The following LY6S variants were observed in gnomAD, a reference collection of about 807,000 sequenced individuals.
LY6S encodes lymphocyte antigen 6 family member S.
At chr8:143,045,786 G>A in the LY6S span, among the ~76,000 whole-genome samples, 1 of 152,172 alleles carries the variant, frequency 6.6e-6, no homozygotes, top group Admixed American at 6.5e-5. The surrounding 1 kb of genome is among the most constrained non-coding windows in gnomAD (Gnocchi z 5.3). Context: ...CAGAACAAGG[G>A]TGGGTTCCTG....
At chr8:143,043,119 C>G in the LY6S span, 1 of 1,367,374 alleles carries the variant, frequency 7.3e-7, no homozygotes, top group Non-Finnish European at 9.8e-7. Context: ...CGGGAAAGGC[C>G]CTCACAGCAG....
the LY6S span, among the ~76,000 whole-genome samples, chr8:143,068,948 G>T: frequency 6.6e-6 from 1 of 152,132 alleles, no homozygotes; most frequent in Non-Finnish European, 1.5e-5. Context: ...CGCCCCAGGG[G>T]GACCCCAAGG....
the LY6S span, among the ~76,000 whole-genome samples, chr8:143,075,112 A>G: frequency 6.6e-6 from 1 of 151,842 alleles, no homozygotes; most frequent in Non-Finnish European, 1.5e-5. The surrounding 1 kb of genome is among the most constrained non-coding windows in gnomAD (Gnocchi z 4.1). Context: ...CATTTTTTTC[A>G]TTTACATTAT....
chr8:143,061,405 T>C, the LY6S span, among the ~76,000 whole-genome samples: 2 of 152,210 alleles, frequency 1.3e-5, no homozygotes, highest in Non-Finnish European at 2.9e-5. Flanking sequence ...AATCCTACAT[T>C]TGTACATATC....
chr8:143,070,487 AT>A, the LY6S span, among the ~76,000 whole-genome samples: 8 of 84,114 alleles, frequency 9.5e-5, no homozygotes, highest in Admixed American at 4.1e-4. Context: ...ATATATATAT[AT>A]ATTTTTTTTT....
the LY6S span, among the ~76,000 whole-genome samples, chr8:143,040,965 A>AT: frequency 1.3e-5 from 2 of 152,152 alleles, no homozygotes; most frequent in Non-Finnish European, 2.9e-5. Flanking sequence ...TACAAATAGG[A>AT]TGTGGGTCAC....
chr8:143,075,674 A>T, the LY6S span, among the ~76,000 whole-genome samples: 1 of 152,238 alleles, frequency 6.6e-6, no homozygotes, highest in African/African-American at 2.4e-5. The surrounding 1 kb of genome is among the most constrained non-coding windows in gnomAD (Gnocchi z 4.1). Context: ...ACTGCACTCC[A>T]GCCTGGGCAA....
the LY6S span, chr8:143,065,889 T>A: frequency 4.6e-6 from 1 of 215,276 alleles, no homozygotes; most frequent in African/African-American, 2.3e-5. Flanking sequence ...GAATAGTCTG[T>A]CTTCAGTCTT....
the LY6S span, among the ~76,000 whole-genome samples, chr8:143,047,517 C>T: frequency 6.6e-6 from 1 of 152,234 alleles, no homozygotes; most frequent in Admixed American, 6.5e-5. Context: ...ATGCAGCCAC[C>T]GTGGCCACTG....
chr8:143,069,940 A>G, the LY6S span, among the ~76,000 whole-genome samples: 1 of 152,180 alleles, frequency 6.6e-6, no homozygotes, highest in Non-Finnish European at 1.5e-5. Context: ...GGGAAGCCCC[A>G]GGCATTAGGG....
At chr8:143,047,487 G>A in the LY6S span, among the ~76,000 whole-genome samples, 1 of 152,110 alleles carries the variant, frequency 6.6e-6, no homozygotes, top group Admixed American at 6.6e-5. Flanking sequence ...GGTAGTCAAG[G>A]AAGTGACCAT....
At chr8:143,044,891 C>T in the LY6S span, 15 of 1,212,202 alleles carry the variant, frequency 1.2e-5, no homozygotes, top group Non-Finnish European at 1.6e-5. Flanking sequence ...AGGGCACCCA[C>T]TCTCACCACC....
At chr8:143,046,868 G>A in the LY6S span, among the ~76,000 whole-genome samples, 1 of 151,954 alleles carries the variant, frequency 6.6e-6, no homozygotes, top group South Asian at 2.1e-4. Context: ...TGGCGTGGTG[G>A]CGGGCACCTG....
At chr8:143,043,078 G>A in the LY6S span, 2 of 1,367,728 alleles carry the variant, frequency 1.5e-6, no homozygotes, top group Non-Finnish European at 2.0e-6. Context: ...GTGACGCACA[G>A]GGACAGAGGG....
At chr8:143,042,967 G>A in the LY6S span, 4,788 of 1,350,906 alleles carry the variant, frequency 3.5e-3, 114 homozygotes, top group African/African-American at 0.061. Flanking sequence ...GGGAAGCCCC[G>A]ACCTCTGCCC....
the LY6S span, among the ~76,000 whole-genome samples, chr8:143,055,331 G>C: frequency 1.3e-5 from 2 of 152,166 alleles, no homozygotes; most frequent in African/African-American, 2.4e-5. Context: ...CAAGGACAAA[G>C]TAATAGCCAC....
chr8:143,075,108 T>C, the LY6S span, among the ~76,000 whole-genome samples: 1 of 152,262 alleles, frequency 6.6e-6, no homozygotes, highest in Non-Finnish European at 1.5e-5. This position sits in a 1 kb window ranked among gnomAD's most constrained non-coding sequence, Gnocchi z 4.1. Flanking sequence ...GACTCATTTT[T>C]TTCATTTACA....
the LY6S span, among the ~76,000 whole-genome samples, chr8:143,071,287 T>C: frequency 6.6e-6 from 1 of 152,160 alleles, no homozygotes; most frequent in Non-Finnish European, 1.5e-5. Flanking sequence ...TCAAACGTTC[T>C]CCTGGCAGCT....
At chr8:143,076,343 T>C in the LY6S span, among the ~76,000 whole-genome samples, 1 of 152,162 alleles carries the variant, frequency 6.6e-6, no homozygotes, top group Non-Finnish European at 1.5e-5. Flanking sequence ...GGGGTGCCAC[T>C]GTTGTTCCTC....
Sources: allele counts gnomAD v4.1 joint callset (sites outside exome capture counted in the v4.1 genomes callset), GRCh38; gene constraint gnomAD v4.1.1; non-coding constraint Gnocchi (gnomAD v3.1); transcripts MANE v1.5; gene names NCBI Gene and HGNC (gene_info 2026-07-23, HGNC 2026-07-21).